Variants in KDM5C observed in about 807,000 individuals in gnomAD.
The protein encoded by KDM5C is lysine-specific demethylase 5C.
Under a neutral mutation model 110.6 loss-of-function variants are expected in KDM5C, and 16 were observed. The ratio of observed to expected loss-of-function variants is 0.14; its 90% CI spans 0.10 to 0.22. The LOEUF is 0.22. KDM5C is among the 10% of genes least tolerant of loss of function. The pLI, the probability that KDM5C is intolerant of heterozygous loss-of-function variation, is 1.00. For missense variants in KDM5C, 681 were observed against 1,300.9 expected (o/e 0.52, Z 7.33); for synonymous variants, 511 against 520.4 (o/e 0.98, Z 0.24).
chrX:53,177,327 G>A (rs1234755970), intron 25 of KDM5C, among the ~76,000 whole-genome samples: 2 of 112,157 alleles, frequency 1.8e-5, no homozygotes, highest in African/African-American at 6.5e-5. Flanking sequence ...GTTACAGTTT[G>A]AGCTATGATT....
chrX:53,204,238 CTTTTTTTT>C (rs10604955), intron 12 of KDM5C, among the ~76,000 whole-genome samples: 66 of 60,751 alleles, frequency 1.1e-3, no homozygotes, highest in Admixed American at 8.4e-4. Flanking sequence ...AAAGAAAATC[CTTTTTTTT>C]TTTTTTTTTT....
downstream of KDM5C, among the ~76,000 whole-genome samples, chrX:53,186,563 A>C (rs1442397141): frequency 4.4e-5 from 5 of 112,442 alleles, no homozygotes; most frequent in African/African-American, 1.6e-4. Flanking sequence ...CATACTCCCA[A>C]CTGCTGTACT....
chrX:53,204,367 T>A (rs1293485459), intron 12 of KDM5C, among the ~76,000 whole-genome samples: 3 of 108,805 alleles, frequency 2.8e-5, no homozygotes, highest in African/African-American at 1.0e-4. Flanking sequence ...TTACATTCCC[T>A]ATAACTCCAC....
chrX:53,209,813 G>A (rs2073503704), intron 12 of KDM5C, among the ~76,000 whole-genome samples: 1 of 112,354 alleles, frequency 8.9e-6, no homozygotes, highest in African/African-American at 3.2e-5. Context: ...TAAAGGGTAA[G>A]AAAGAAGTAC....
intron 25 of KDM5C, among the ~76,000 whole-genome samples, chrX:53,181,949 T>C (rs1225135072): frequency 9.1e-6 from 1 of 109,567 alleles, no homozygotes; most frequent in Non-Finnish European, 1.9e-5. Context: ...CCACCACACC[T>C]GGCTAATTTT....
intron 2 of KDM5C, among the ~76,000 whole-genome samples, chrX:53,218,889 T>C (rs1556853447): frequency 1.8e-5 from 2 of 112,105 alleles, no homozygotes; most frequent in African/African-American, 6.5e-5. Flanking sequence ...GCCACCTCTC[T>C]CTCATTTGTC....
At position 53,225,021 on chromosome X, in the gene KDM5C, G is replaced by A; in HGVS notation, c.-132C>T. The stretch of plus-strand genomic sequence containing the variant: ...AAGCGGGGCAGCCGCCGCCCGCCGA[G>A]GGCCTAAGGGGGCGTGTGGCCGTCG... On this transcript the variant is annotated 5_prime_UTR_variant, in exon 1 of 26. Transcript: ENST00000375401. 1 of 766,534 alleles carries A rather than the reference G, an allele frequency of 1.3e-6. No individual in the cohort carries two copies. Among genetic ancestry groups the A allele is most frequent in the Non-Finnish European group, 1.8e-6 (1 of 549,304 alleles). The allele number at this position is 766,534 out of a possible 1,213,427, so 63.2% of individuals were successfully genotyped here.
chrX:53,192,697 G>A lies in KDM5C; in HGVS notation c.*270C>T. 1 of 1,073,189 alleles carries A rather than the reference G, an allele frequency of 9.3e-7. No individual in the cohort carries two copies. Among genetic ancestry groups the A allele is most frequent in the African/African-American group, 1.9e-5 (1 of 53,977 alleles). The allele number at this position is 1,073,189 out of a possible 1,213,427, so 88.4% of individuals were successfully genotyped here. ...GCCCCAGCCACCCCCCTGCCCACCA[G>A]CCCATCCATCTATCTGCCTCAGGTG... is the stretch of plus-strand genomic sequence containing the variant. On this transcript the variant is annotated 3_prime_UTR_variant, in exon 26 of 26. Transcript: ENST00000375401.
intron 12 of KDM5C, among the ~76,000 whole-genome samples, chrX:53,209,425 T>C (rs1296940283): frequency 9.0e-6 from 1 of 111,347 alleles, no homozygotes; most frequent in African/African-American, 3.3e-5. Context: ...ATGGGGCATA[T>C]AGTATACCAA....
At chrX:53,195,574 C>T (rs781783112) in intron 20 of KDM5C, 164 bp from the exon 21 acceptor site, 7 of 533,638 alleles carry the variant, frequency 1.3e-5, no homozygotes, top group African/African-American at 4.6e-5. Flanking sequence ...CCCACAACAC[C>T]GGCATCTACT....
Position 53,193,772 on chromosome X carries a change from C to T in KDM5C, c.4117+1G>A. 1 of 1,207,107 alleles carries T rather than the reference C, an allele frequency of 8.3e-7. No homozygotes were observed. Among genetic ancestry groups the T allele is most frequent in the Non-Finnish European group, 1.1e-6 (1 of 891,105 alleles). On this transcript the variant is annotated splice_donor_variant, in intron 24 of 25. Transcript: ENST00000375401. LOFTEE classifies it high-confidence loss of function. ...CCTACCCACACCACACCTAGACCTA[C>T]CTCTCTTACCTGAGCCCTCCTCCGG...
At chrX:53,208,027 A>G (rs2073408712) in intron 12 of KDM5C, among the ~76,000 whole-genome samples, 1 of 104,882 alleles carries the variant, frequency 9.5e-6, no homozygotes, top group Non-Finnish European at 2.0e-5. Flanking sequence ...TATCTATAAA[A>G]AGAAATGGCC....
At chrX:53,191,386 G>A (rs1424753603), downstream of KDM5C, 1 of 173,619 alleles carries the variant, frequency 5.8e-6, no homozygotes, top group African/African-American at 3.0e-5. Context: ...AGGGGTAAAG[G>A]ACGCCTAAGG....
chrX:53,203,819 T>C (rs1292757646), intron 12 of KDM5C, among the ~76,000 whole-genome samples: 1 of 109,381 alleles, frequency 9.1e-6, no homozygotes, highest in Non-Finnish European at 1.9e-5. Flanking sequence ...CAGGCTACAG[T>C]GCCGTGGTGC....
chrX:53,189,504 G>A (rs111668953), downstream of KDM5C, among the ~76,000 whole-genome samples: 5 of 112,366 alleles, frequency 4.4e-5, no homozygotes, highest in African/African-American at 1.3e-4. Context: ...GTGCCCAGGG[G>A]CAAGAACCCT....
chrX:53,188,689 T>C (rs146576959), downstream of KDM5C, among the ~76,000 whole-genome samples: 4 of 111,477 alleles, frequency 3.6e-5, no homozygotes, highest in Admixed American at 3.8e-4. Flanking sequence ...CTGACTTACT[T>C]CTAACGAATA....
intron 5 of KDM5C, among the ~76,000 whole-genome samples, chrX:53,216,870 T>C (rs782343600): frequency 3.6e-5 from 4 of 112,119 alleles, no homozygotes; most frequent in Admixed American, 9.4e-5. Flanking sequence ...GAGTTCTACT[T>C]CTATGAGCAG....
rs781815857 is a variant in KDM5C, at chrX:53,193,183, A to G, written c.4467T>C (p.Ala1489=). Reference sequence around the variant, plus strand: ...GCTCTTCCTCCTCCTGGACCTCCTCAGCCTCTGGCCCTGAGCTCCGTACCC... The same window carrying G: ...GCTCTTCCTCCTCCTGGACCTCCTCGGCCTCTGGCCCTGAGCTCCGTACCC... ...PKRVRSSGPE[A]EEVQEEEELE... Residue 1489 remains alanine (A), a synonymous_variant, in exon 26 of 26, where the codon GCT becomes GCC. Coordinates refer to ENST00000375401, the MANE Select transcript of KDM5C (RefSeq NM_004187.5). 3.3e-6 allele frequency: 4 copies of G among 1,210,066 alleles called. No individual in the cohort carries two copies. Among genetic ancestry groups the G allele is most frequent in the Non-Finnish European group, 4.5e-6 (4 of 895,064 alleles).
intron 12 of KDM5C, among the ~76,000 whole-genome samples, chrX:53,206,353 T>C (rs1408796513): frequency 4.5e-5 from 5 of 111,521 alleles, no homozygotes; most frequent in African/African-American, 1.6e-4. Flanking sequence ...GGGATCTTTT[T>C]GGGGTGGTAG....
Sources: gnomAD v4.1 joint callset for allele counts (sites outside exome capture counted in the v4.1 genomes callset) on GRCh38, gnomAD v4.1.1 for gene constraint, MANE v1.5 for transcripts, NCBI Gene and HGNC (gene_info 2026-07-23, HGNC 2026-07-21) for gene names.